Variants in SLC41A2 observed in about 807,000 individuals in gnomAD.
SLC41A2 encodes the protein solute carrier family 41 member 2, also known as SLC41A1-like 1.
Under a neutral mutation model 58.3 loss-of-function variants are expected in SLC41A2, and 32 were observed. The ratio of observed to expected loss-of-function variants is 0.55; its 90% CI spans 0.41 to 0.74. The LOEUF is 0.74. Among genes scored for constraint, SLC41A2 ranks in the 30% least tolerant of loss-of-function variants. The probability of loss-of-function intolerance (pLI) is 0.00; values close to 1 mark genes in which losing one functional copy is unlikely to be tolerated. For synonymous variants in SLC41A2, 190 were observed against 235.0 expected (o/e 0.81, Z 1.75); for missense variants, 514 against 680.6 (o/e 0.76, Z 2.72).
In SLC41A2 at chr12:104,861,702, CAG is replaced by C. The variant is rs549191793; in HGVS notation, c.1176-334_1176-333del. Among the ~76,000 whole-genome samples, 25 of 152,224 alleles carry C rather than the reference CAG, an allele frequency of 1.6e-4. No individual in the cohort carries two copies. The East Asian group carries it at 3.5e-3, about 21-fold the overall frequency. ...TGTCTATTTCTGGGGGTGAGGGTGA[CAG>C]GGGACTGACGGTCATTTTATATCCT... is the stretch of plus-strand genomic sequence containing the variant. On this transcript the variant is annotated intron_variant, in intron 7 of 10. Coordinates refer to ENST00000258538, the MANE Select transcript of SLC41A2 (RefSeq NM_001352171.3).
chr12:104,948,935 C>T (rs1332556631), intron 1 of SLC41A2, among the ~76,000 whole-genome samples: 2 of 152,182 alleles, frequency 1.3e-5, no homozygotes, highest in African/African-American at 4.8e-5. Flanking sequence ...TGAACAAATA[C>T]GGCTGGGCGT....
chr12:104,804,949 A>T lies in SLC41A2; in HGVS notation c.*203T>A. Reference sequence around the variant, plus strand: ...TCTATGTCAAATTATCATTTATTCTATGAAAAGCAGCACGAATACTCTTCA... The same window carrying T: ...TCTATGTCAAATTATCATTTATTCTTTGAAAAGCAGCACGAATACTCTTCA... On this transcript the variant is annotated 3_prime_UTR_variant, in exon 11 of 11. Transcript: ENST00000258538. The T allele has an allele frequency of 2.3e-6, 1 of 425,740 alleles. No homozygotes were observed. Among genetic ancestry groups the T allele is most frequent in the Non-Finnish European group, 4.2e-6 (1 of 238,428 alleles). The allele number at this position is 425,740 out of a possible 1,614,324, so 26.4% of individuals were successfully genotyped here. A position where few individuals can be genotyped will look rare whatever the true frequency, so the allele number is the denominator to read the frequency against.
At chr12:104,846,148 C>T (rs1233980899) in intron 8 of SLC41A2, among the ~76,000 whole-genome samples, 174 bp from the exon 9 acceptor site, 1 of 152,120 alleles carries the variant, frequency 6.6e-6, no homozygotes, top group African/African-American at 2.4e-5. Flanking sequence ...GGCATAAAAT[C>T]ATTGTTAGAT....
At chr12:104,952,599 T>C (rs1311317842) in intron 1 of SLC41A2, among the ~76,000 whole-genome samples, 2 of 152,148 alleles carry the variant, frequency 1.3e-5, no homozygotes, top group Non-Finnish European at 2.9e-5. Flanking sequence ...TCCAACTTCT[T>C]TAATAAGGTT....
chr12:104,822,752 T>C (rs556678574), intron 10 of SLC41A2, among the ~76,000 whole-genome samples: 3 of 152,080 alleles, frequency 2.0e-5, no homozygotes, highest in Non-Finnish European at 2.9e-5. Flanking sequence ...TCTGTAGGAA[T>C]TGAGTAATAG....
chr12:104,921,871 T>C (rs1321558820), intron 2 of SLC41A2, among the ~76,000 whole-genome samples: 2 of 152,206 alleles, frequency 1.3e-5, no homozygotes, highest in South Asian at 4.1e-4. Flanking sequence ...AGGTCAAAAA[T>C]GGAGGGGGTG....
At chr12:104,861,225 T>A (rs1167468335) in intron 8 of SLC41A2, 66 bp downstream of exon 8, 1 of 1,184,936 alleles carries the variant, frequency 8.4e-7, no homozygotes, top group East Asian at 2.5e-5. Flanking sequence ...AGACTTCTAA[T>A]AGTACCTAAG....
intron 6 of SLC41A2, among the ~76,000 whole-genome samples, chr12:104,868,043 CTAA>C (rs2043561470): frequency 6.6e-6 from 1 of 151,668 alleles, no homozygotes; most frequent in South Asian, 2.1e-4. Flanking sequence ...AATAATTATA[CTAA>C]TAAAATTTAT....
chr12:104,879,086 G>A (rs931254477), intron 6 of SLC41A2, among the ~76,000 whole-genome samples: 13 of 152,192 alleles, frequency 8.5e-5, no homozygotes, highest in African/African-American at 3.1e-4. Context: ...TTTTTCATGT[G>A]TCTGTTGGCT....
At chr12:104,835,116 A>G (rs184011559) in intron 10 of SLC41A2, among the ~76,000 whole-genome samples, 4 of 152,322 alleles carry the variant, frequency 2.6e-5, no homozygotes, top group Admixed American at 2.0e-4. Flanking sequence ...AGCACCTTAA[A>G]TGCATCATTT....
At chr12:104,866,296 C>A in intron 7 of SLC41A2, 136 bp downstream of exon 7, 2 of 1,216,828 alleles carry the variant, frequency 1.6e-6, no homozygotes, top group Non-Finnish European at 1.0e-6. Flanking sequence ...AAATAATTAA[C>A]CTAAGAAATA....
chr12:104,956,304 A>AT (rs1381525039), intron 1 of SLC41A2, among the ~76,000 whole-genome samples: 7 of 152,158 alleles, frequency 4.6e-5, no homozygotes, highest in African/African-American at 1.2e-4. Context: ...GATTGGTTGG[A>AT]TTTTTTCAAG....
intron 10 of SLC41A2, among the ~76,000 whole-genome samples, chr12:104,809,077 A>G (rs2041056109): frequency 6.6e-6 from 1 of 152,226 alleles, no homozygotes; most frequent in Admixed American, 6.5e-5. Flanking sequence ...TTCTGACTCT[A>G]TATATCCAAA....
At chr12:104,902,295 T>G (rs2045603436) in intron 3 of SLC41A2, among the ~76,000 whole-genome samples, 2 of 151,984 alleles carry the variant, frequency 1.3e-5, no homozygotes, top group African/African-American at 4.8e-5. Flanking sequence ...TGGTGACAGG[T>G]GGGGCATAAG....
intron 6 of SLC41A2, among the ~76,000 whole-genome samples, chr12:104,881,353 C>T (rs200071308): frequency 5.2e-4 from 79 of 152,058 alleles, no homozygotes; most frequent in East Asian, 3.5e-3. Flanking sequence ...TCTTGCCTTC[C>T]GCTAGCTTTT....
chr12:104,956,774 T>C (rs187157004), intron 1 of SLC41A2, among the ~76,000 whole-genome samples: 17 of 152,294 alleles, frequency 1.1e-4, no homozygotes, highest in African/African-American at 4.1e-4. Flanking sequence ...AAAGAAAATA[T>C]ATGAATGGCC....
At chr12:104,816,342 TAAAATAC>T (rs2041402940) in intron 10 of SLC41A2, among the ~76,000 whole-genome samples, 1 of 152,134 alleles carries the variant, frequency 6.6e-6, no homozygotes, top group African/African-American at 2.4e-5. Context: ...AAATGTTCAA[TAAAATAC>T]AAAAACTATC....
rs375135785 is a variant in SLC41A2, at chr12:104,955,327, TCTGATTACCCTCGCTAC to T, written c.-168+2744_-168+2760del. On this transcript the variant is annotated intron_variant, in intron 1 of 10. Transcript: ENST00000258538. ...CACTGCACCCAGCTGGCCCTCGCTT[TCTGATTACCCTCGCTAC>T]CTGATTACCCTCACAACCTGATTAG... Among the ~76,000 whole-genome samples, 863 of 152,248 alleles carry T rather than the reference TCTGATTACCCTCGCTAC, an allele frequency of 5.7e-3. 6 individuals are homozygous for T. Among genetic ancestry groups the T allele is most frequent in the African/African-American group, 0.019 (799 of 41,528 alleles).
At chr12:104,819,197 T>C (rs2041532237) in intron 10 of SLC41A2, among the ~76,000 whole-genome samples, 1 of 152,212 alleles carries the variant, frequency 6.6e-6, no homozygotes, top group Non-Finnish European at 1.5e-5. Flanking sequence ...CTAATTGCAG[T>C]ACAGGTAGAA....
Sources: allele counts gnomAD v4.1 joint callset (sites outside exome capture counted in the v4.1 genomes callset), GRCh38; gene constraint gnomAD v4.1.1; transcripts MANE v1.5; gene names NCBI Gene and HGNC (gene_info 2026-07-23, HGNC 2026-07-21).